The following ERO1A variants were observed in gnomAD, a reference collection of about 807,000 sequenced individuals.
ERO1A encodes the protein ERO1-like protein alpha.
Under a neutral mutation model 76.9 loss-of-function variants are expected in ERO1A, and 49 were observed. The observed-to-expected ratio is 0.64, with a 90% CI of 0.51 to 0.81. The LOEUF (loss-of-function observed/expected upper bound fraction) is 0.81, where lower values mean the gene tolerates loss of function less well. Among genes scored for constraint, ERO1A ranks in the 30% least tolerant of loss-of-function variants. ERO1A has a pLI of 0.00. For synonymous variants in ERO1A, 174 were observed against 181.2 expected (o/e 0.96, Z 0.32); for missense variants, 448 against 542.1 (o/e 0.83, Z 1.72).
At chr14:52,673,613 A>C (rs2040683576) in intron 4 of ERO1A, among the ~76,000 whole-genome samples, 3 of 152,256 alleles carry the variant, frequency 2.0e-5, no homozygotes, top group Non-Finnish European at 2.9e-5. Flanking sequence ...CTGATTGATA[A>C]TAGACAGCAA....
rs1410434073 is a variant in ERO1A, at chr14:52,642,077, G to T, written c.*1493C>A. On this transcript the variant is annotated 3_prime_UTR_variant, in exon 16 of 16. Coordinates refer to ENST00000395686, the MANE Select transcript of ERO1A (RefSeq NM_014584.3). ...GATAAGACATATGTAAAGAGGGCAC[G>T]ATTTTGAGGTATATAGCTTCTTTTT... is the stretch of plus-strand genomic sequence containing the variant. 1 of 152,104 alleles carries T rather than the reference G, an allele frequency of 6.6e-6. No individual in the cohort carries two copies. Among genetic ancestry groups the T allele is most frequent in the Non-Finnish European group, 1.5e-5 (1 of 68,014 alleles). 9.4% of individuals were successfully genotyped at this position (152,104 alleles called of 1,614,324 possible).
intron 13 of ERO1A, among the ~76,000 whole-genome samples, chr14:52,650,345 A>C (rs2039813771): frequency 6.6e-6 from 1 of 151,770 alleles, no homozygotes; most frequent in Non-Finnish European, 1.5e-5. Context: ...ACAAAGCCCA[A>C]ATTATTGTTA....
intron 3 of ERO1A, among the ~76,000 whole-genome samples, chr14:52,681,257 C>G (rs1430272360): frequency 6.6e-6 from 1 of 152,130 alleles, no homozygotes; most frequent in African/African-American, 2.4e-5. Flanking sequence ...ACTATATAAA[C>G]AAAACATAGT....
intron 2 of ERO1A, 58 bp from the exon 3 acceptor site, chr14:52,682,466 A>T: frequency 7.8e-7 from 1 of 1,281,284 alleles, no homozygotes; most frequent in Non-Finnish European, 1.1e-6. Context: ...ATTATAATTG[A>T]CAGTTACAAA....
At chr14:52,649,033 C>G (rs1026766315) in intron 13 of ERO1A, among the ~76,000 whole-genome samples, 1 of 152,074 alleles carries the variant, frequency 6.6e-6, no homozygotes, top group African/African-American at 2.4e-5. Context: ...TGTACAATAA[C>G]CTGAGTATAT....
Position 52,678,419 on chromosome 14 carries a change from G to C in ERO1A, c.357+15C>G, listed in dbSNP as rs2040875264. On this transcript the variant is annotated intron_variant, in intron 4 of 15. Transcript: ENST00000395686. ...CATTAAGATACTGGACACATCAATA[G>C]GTATACGTACACACCTTGTAGCTCG... The C allele has an allele frequency of 6.2e-7, 1 of 1,608,548 alleles. No individual in the cohort carries two copies. The highest frequency in any genetic ancestry group is 8.5e-7 in the Non-Finnish European group (1 of 1,175,992).
chr14:52,671,958 TA>T (rs1280085840), intron 4 of ERO1A, 87 bp from the exon 5 acceptor site: 21 of 905,338 alleles, frequency 2.3e-5, no homozygotes, highest in East Asian at 1.6e-4. Flanking sequence ...AAGCTCTTTT[TA>T]TTTTTTTTAT....
intron 7 of ERO1A, among the ~76,000 whole-genome samples, chr14:52,665,525 TA>T: frequency 6.6e-6 from 1 of 152,142 alleles, no homozygotes; most frequent in African/African-American, 2.4e-5. Flanking sequence ...ATTTGACTTA[TA>T]AAAAGTGAAA....
rs2039473847 is a variant in ERO1A at position 52,641,506 on chromosome 14, CAGG to C, written c.*2061_*2063del. 2 of 151,656 alleles carry C rather than the reference CAGG, an allele frequency of 1.3e-5. No individual in the cohort carries two copies. The highest frequency in any genetic ancestry group is 6.6e-5 in the Admixed American group (1 of 15,196). 9.4% of individuals were successfully genotyped at this position (151,656 alleles called of 1,614,324 possible). ...GCGGGCGCCTGTAGTCCCAGCTACT[CAGG>C]GGGCTGAGGCAGAAGAATGGCGTGA... is the stretch of plus-strand genomic sequence containing the variant. On this transcript the variant is annotated 3_prime_UTR_variant, in exon 16 of 16. Coordinates refer to ENST00000395686, the MANE Select transcript of ERO1A (RefSeq NM_014584.3).
Position 52,695,528 on chromosome 14 carries a change from A to C in ERO1A, c.-47T>G, listed in dbSNP as rs1056079648. The stretch of plus-strand genomic sequence containing the variant: ...CCCCACGCTTGGGAGGCCAGTCCGC[A>C]CGCTCGGTCGCGGGCCGTGCGCCCT... On this transcript the variant is annotated 5_prime_UTR_variant, in exon 1 of 16. Transcript: ENST00000395686. 2 of 1,373,492 alleles carry C rather than the reference A, an allele frequency of 1.5e-6. No homozygotes were observed. The highest frequency in any genetic ancestry group is 3.0e-5 in the African/African-American group (2 of 66,550). 85.1% of individuals were successfully genotyped at this position (1,373,492 alleles called of 1,614,324 possible).
chr14:52,681,265 A>G (rs556519616), intron 3 of ERO1A, among the ~76,000 whole-genome samples: 13 of 152,348 alleles, frequency 8.5e-5, no homozygotes, highest in African/African-American at 2.9e-4. Context: ...AACAAAACAT[A>G]GTATAGGCAT....
chr14:52,642,622 T>C lies in ERO1A; in HGVS notation c.*948A>G, dbSNP rs781262056. ...ATGCCTATAACTGACTTTCAAATGA[T>C]TGAGGAAAAATTTGTGTGTGTGTGT... is the stretch of plus-strand genomic sequence containing the variant. On this transcript the variant is annotated 3_prime_UTR_variant, in exon 16 of 16. Transcript: ENST00000395686. 3.3e-5 allele frequency: 5 copies of C among 152,256 alleles called. No individual in the cohort carries two copies. The highest frequency in any genetic ancestry group is 5.9e-5 in the Non-Finnish European group (4 of 68,010). The allele number at this position is 152,256 out of a possible 1,614,324, so 9.4% of individuals were successfully genotyped here. A position where few individuals can be genotyped will look rare whatever the true frequency, so the allele number is the denominator to read the frequency against.
At chr14:52,659,023 A>G (rs2040144042) in intron 9 of ERO1A, among the ~76,000 whole-genome samples, 1 of 152,204 alleles carries the variant, frequency 6.6e-6, no homozygotes, top group Non-Finnish European at 1.5e-5. Flanking sequence ...ATAAGCAATA[A>G]ACTGGAATAT....
chr14:52,672,787 A>C lies in ERO1A; in HGVS notation c.358-916T>G, dbSNP rs557093248. Among the ~76,000 whole-genome samples the C allele has an allele frequency of 1.6e-3, 247 of 150,942 alleles. 3 individuals carry two copies. The highest frequency in any genetic ancestry group is 4.5e-3 in the African/African-American group (186 of 41,310). On this transcript the variant is annotated intron_variant, in intron 4 of 15. Coordinates refer to ENST00000395686, the MANE Select transcript of ERO1A (RefSeq NM_014584.3). ...ACCCTGTCTCTGACCAAAAAAAAAA[A>C]AAAAAACAAAAAACAAACAAACAAA...
intron 7 of ERO1A, among the ~76,000 whole-genome samples, chr14:52,664,852 C>T (rs902260821): frequency 5.3e-5 from 8 of 151,988 alleles, no homozygotes; most frequent in Non-Finnish European, 7.4e-5. Context: ...CCACTACGCC[C>T]GGCTAATTTT....
chr14:52,662,891 T>G (rs1456528456), intron 8 of ERO1A, among the ~76,000 whole-genome samples: 1 of 152,030 alleles, frequency 6.6e-6, no homozygotes. Context: ...AGTACTAGGG[T>G]AGATCGATAG....
chr14:52,656,287 G>A (rs185312720), intron 11 of ERO1A, among the ~76,000 whole-genome samples: 2 of 151,850 alleles, frequency 1.3e-5, no homozygotes, highest in African/African-American at 4.8e-5. Context: ...TGTCCTCCAA[G>A]TTCATTCATG....
chr14:52,679,606 C>A (rs987784036), intron 3 of ERO1A, among the ~76,000 whole-genome samples: 20 of 152,020 alleles, frequency 1.3e-4, no homozygotes, highest in Non-Finnish European at 2.5e-4. Context: ...CCATGTTGGC[C>A]AAGCTGACCT....
Position 52,666,461 on chromosome 14 carries a change from CA to C in ERO1A, c.542del (p.Leu181CysfsTer38). ...CAGTGTAGCGCTCAGGATTAAGAAG[CA>C]AATCTACATATTCAGCTTCAGGGGA... ...IQSPEAEYVD[L>X]LLNPERYTGY... is the part of the protein sequence containing the mutation. On this transcript the variant is annotated frameshift_variant, in exon 7 of 16. Coordinates refer to ENST00000395686, the MANE Select transcript of ERO1A (RefSeq NM_014584.3). LOFTEE classifies it high-confidence loss of function. 1 of 1,610,158 alleles carries C rather than the reference CA, an allele frequency of 6.2e-7. No individual in the cohort carries two copies.
Sources: gnomAD v4.1 joint callset for allele counts (sites outside exome capture counted in the v4.1 genomes callset) on GRCh38, gnomAD v4.1.1 for gene constraint, MANE v1.5 for transcripts, NCBI Gene and HGNC (gene_info 2026-07-23, HGNC 2026-07-21) for gene names.